AQP9: variants seen among roughly 807,000 people sequenced by gnomAD.
AQP9 encodes aquaporin-9.
In AQP9, 19 loss-of-function variants were observed where a neutral mutation model predicts 23.8. That is an observed-to-expected ratio of 0.80 (90% CI 0.56 to 1.17). The LOEUF is 1.17. AQP9 is among the 50% of genes most tolerant of loss of function. The probability of loss-of-function intolerance (pLI) is 0.00; values close to 1 mark genes in which losing one functional copy is unlikely to be tolerated. For missense variants in AQP9, 413 were observed against 362.0 expected (o/e 1.14, Z -1.14); for synonymous variants, 153 against 131.5 (o/e 1.16, Z -1.12).
chr15:58,141,495 A>C (rs1897952882), intron 1 of AQP9, among the ~76,000 whole-genome samples: 1 of 152,238 alleles, frequency 6.6e-6, no homozygotes, highest in Non-Finnish European at 1.5e-5. Context: ...ACTTCTGCTA[A>C]AAGTAGTACC....
intron 4 of AQP9, among the ~76,000 whole-genome samples, chr15:58,176,601 G>T (rs977865440): frequency 6.9e-6 from 1 of 145,856 alleles, no homozygotes; most frequent in African/African-American, 2.5e-5. Context: ...GGTTATTTTG[G>T]TGTTTTTCTC....
intron 1 of AQP9, among the ~76,000 whole-genome samples, chr15:58,160,866 G>C (rs1898364413): frequency 6.6e-6 from 1 of 152,094 alleles, no homozygotes; most frequent in African/African-American, 2.4e-5. Context: ...GCAAGGAAAG[G>C]GTGTTTCTTC....
chr15:58,155,068 ATT>A (rs1898222171), intron 1 of AQP9: 3 of 152,188 alleles, frequency 2.0e-5, no homozygotes. Flanking sequence ...TGGCTCACTT[ATT>A]TGTGCCTGCT....
At chr15:58,138,315 G>A (rs765229101), upstream of AQP9, 1 of 364,458 alleles carries the variant, frequency 2.7e-6, no homozygotes, top group South Asian at 4.7e-5. Context: ...AAAAGGGATT[G>A]TTTTGGGGAT....
chr15:58,180,265 G>A (rs555516237), intron 5 of AQP9, among the ~76,000 whole-genome samples: 2 of 152,302 alleles, frequency 1.3e-5, no homozygotes, highest in South Asian at 4.1e-4. Context: ...ACATGTGTGA[G>A]CAAATTCTAC....
chr15:58,163,975 G>T, intron 1 of AQP9: 1 of 152,524 alleles, frequency 6.6e-6, no homozygotes. Flanking sequence ...TGCTTTTCAG[G>T]CTACAATAAA....
At chr15:58,181,053 C>T (rs74016583) in intron 5 of AQP9, among the ~76,000 whole-genome samples, 9 of 152,270 alleles carry the variant, frequency 5.9e-5, no homozygotes, top group Non-Finnish European at 7.4e-5. Flanking sequence ...TCTTCCACCC[C>T]CTTTGAGACC....
intron 1 of AQP9, among the ~76,000 whole-genome samples, chr15:58,163,162 T>C (rs1301223594): frequency 6.6e-6 from 1 of 152,156 alleles, no homozygotes; most frequent in African/African-American, 2.4e-5. Flanking sequence ...ATGAGGAACT[T>C]TGAAGACACA....
intron 2 of AQP9, among the ~76,000 whole-genome samples, chr15:58,167,911 G>A (rs1258179238): frequency 3.3e-5 from 5 of 152,128 alleles, no homozygotes; most frequent in South Asian, 2.1e-4. Flanking sequence ...TTTTAGTAGA[G>A]ACGGGGTTTC....
chr15:58,153,605 T>C (rs1898192271), intron 1 of AQP9: 1 of 152,156 alleles, frequency 6.6e-6, no homozygotes, highest in African/African-American at 2.4e-5. Flanking sequence ...TTAAAAGCTA[T>C]ATATGTTCAG....
In AQP9 at chr15:58,174,971, A is replaced by G; in HGVS notation, c.430A>G (p.Thr144Ala). 3.1e-6 allele frequency: 5 copies of G among 1,614,210 alleles called. No individual in the cohort carries two copies. Among genetic ancestry groups the G allele is most frequent in the South Asian group, 1.1e-5 (1 of 91,092 alleles). Residue 144 changes from threonine to alanine, a missense_variant, in exon 4 of 6, where the codon ACA becomes GCA. Coordinates refer to ENST00000219919, the MANE Select transcript of AQP9 (RefSeq NM_020980.5). ...ACTGCTGATCGTGGGAGAAAATGCA[A>G]CAGCACACATTTTTGCAACATACCC... ...GKLLIVGENA[T>A]AHIFATYPAP...
intron 1 of AQP9, chr15:58,147,021 C>T (rs1171309851): frequency 6.6e-6 from 1 of 152,150 alleles, no homozygotes; most frequent in African/African-American, 2.4e-5. Flanking sequence ...CGTGGAGGAC[C>T]AGGCTCACCT....
intron 1 of AQP9, among the ~76,000 whole-genome samples, chr15:58,158,909 A>C (rs1299607833): frequency 6.6e-6 from 1 of 152,208 alleles, no homozygotes; most frequent in Non-Finnish European, 1.5e-5. Flanking sequence ...CCTAAACTTC[A>C]TTAACTACTG....
chr15:58,150,941 C>G (rs1898136796), intron 1 of AQP9: 1 of 151,984 alleles, frequency 6.6e-6, no homozygotes, highest in East Asian at 1.9e-4. Context: ...TGAATGAACC[C>G]AAAAAGGATT....
chr15:58,181,294 C>G (rs933033764), intron 5 of AQP9, among the ~76,000 whole-genome samples: 2 of 152,186 alleles, frequency 1.3e-5, no homozygotes, highest in Non-Finnish European at 1.5e-5. Context: ...AGGCTCTCCA[C>G]TAAAGATGAT....
At chr15:58,178,040 C>G (rs570306205) in intron 4 of AQP9, among the ~76,000 whole-genome samples, 1 of 152,006 alleles carries the variant, frequency 6.6e-6, no homozygotes. Flanking sequence ...TAAACAATAC[C>G]GTATTCACAT....
At chr15:58,151,016 T>C (rs1242683622) in intron 1 of AQP9, 3 of 152,228 alleles carry the variant, frequency 2.0e-5, no homozygotes, top group Non-Finnish European at 4.4e-5. Context: ...TAGATTATGA[T>C]AGACTATATT....
Position 58,172,995 on chromosome 15 carries a change from G to A in AQP9, c.239-73G>A, listed in dbSNP as rs1898655742. The A allele has an allele frequency of 1.6e-5, 25 of 1,580,730 alleles. No individual in the cohort carries two copies. The South Asian group carries it at 2.7e-4, about 17-fold the overall frequency. On this transcript the variant is annotated intron_variant, in intron 2 of 5. Coordinates refer to ENST00000219919, the MANE Select transcript of AQP9 (RefSeq NM_020980.5). ...CTGCCTAGAAGACTGAATTCCACCT[G>A]AGGTCTCTAGATGGTTTTCTGTATA...
chr15:58,166,311 T>C (rs1441211515), intron 1 of AQP9, among the ~76,000 whole-genome samples: 2 of 152,220 alleles, frequency 1.3e-5, no homozygotes, highest in African/African-American at 4.8e-5. Flanking sequence ...AACAGGTACA[T>C]GGGACTTTTC....
Sources: gnomAD v4.1 joint callset for allele counts (sites outside exome capture counted in the v4.1 genomes callset) on GRCh38, gnomAD v4.1.1 for gene constraint, MANE v1.5 for transcripts, NCBI Gene and HGNC (gene_info 2026-07-23, HGNC 2026-07-21) for gene names.